ODAD2: variants seen among roughly 807,000 people sequenced by gnomAD.
The protein encoded by ODAD2 is outer dynein arm docking complex subunit 2.
A neutral mutation model predicts 106.8 loss-of-function variants in ODAD2; 89 were observed. The observed-to-expected ratio is 0.83, with a 90% CI of 0.70 to 0.99. The LOEUF is 0.99. ODAD2 is among the 50% of genes least tolerant of loss of function. ODAD2 has a pLI of 0.00. For missense variants in ODAD2, 1,168 were observed against 1,238.5 expected, an observed-to-expected ratio of 0.94 and a Z score of 0.85; for synonymous variants, 404 against 436.2, an observed-to-expected ratio of 0.93 and a Z score of 0.92.
Position 27,985,161 on chromosome 10 carries a change from T to C in ODAD2, c.433A>G (p.Lys145Glu), listed in dbSNP as rs770294804. The C allele has an allele frequency of 1.1e-5, 17 of 1,589,924 alleles. No homozygotes were observed. The Admixed American group carries it at 2.8e-4, about 26-fold the overall frequency. The stretch of plus-strand genomic sequence containing the variant: ...ATATTTAATGCAATTGAGTTTTCTT[T>C]CATTGTATTATAATCAGAGCCCAGG... ...KILGSDYNTM[K>E]ENSIALNILG... The change falls in exon 4 of 20, where the codon AAA (lysine) becomes GAA (glutamate). Residue 145 changes from lysine (K) to glutamate (E), a missense_variant. By Grantham distance (56) the Lys-to-Glu change is moderately conservative. This residue lies in a region of ODAD2 where 430 missense variants were observed against 452.2 expected (regional missense o/e 0.95). Coordinates refer to ENST00000305242, the MANE Select transcript of ODAD2 (RefSeq NM_018076.5).
chr10:27,994,506 G>C (rs544451877), intron 2 of ODAD2, among the ~76,000 whole-genome samples: 1 of 152,154 alleles, frequency 6.6e-6, no homozygotes, highest in African/African-American at 2.4e-5. Context: ...GAGGCAGGAG[G>C]ATCACTTGAG....
chr10:27,891,383 T>G (rs1842553325), intron 17 of ODAD2, among the ~76,000 whole-genome samples: 1 of 151,972 alleles, frequency 6.6e-6, no homozygotes, highest in African/African-American at 2.4e-5. Context: ...TTTTTGTTTT[T>G]TTTTTTTCCT....
rs115826944 is a variant in ODAD2 at position 27,824,641 on chromosome 10, C to T, written c.3022-12016G>A. Among the ~76,000 whole-genome samples the T allele has an allele frequency of 7.8e-3, 1,191 of 152,256 alleles. 20 individuals carry two copies. The highest frequency in any genetic ancestry group is 0.027 in the African/African-American group (1,131 of 41,534). On this transcript the variant is annotated intron_variant, in intron 19 of 19. Coordinates refer to ENST00000305242, the MANE Select transcript of ODAD2 (RefSeq NM_018076.5). Reference sequence around the variant, plus strand: ...AAGACATGAATTAAATTATCTAGAACGATCCATAGATCTCTTTATTTGAAA... The same window carrying T: ...AAGACATGAATTAAATTATCTAGAATGATCCATAGATCTCTTTATTTGAAA...
At chr10:27,998,778 C>T (rs1489169597) in intron 1 of ODAD2, among the ~76,000 whole-genome samples, 1 of 152,106 alleles carries the variant, frequency 6.6e-6, no homozygotes, top group African/African-American at 2.4e-5. Context: ...CGGGGGTGAG[C>T]GTGGAGACCC....
intron 17 of ODAD2, among the ~76,000 whole-genome samples, chr10:27,878,516 G>A (rs555278916): frequency 8.5e-5 from 13 of 152,070 alleles, no homozygotes; most frequent in African/African-American, 2.4e-4. Flanking sequence ...CAAGGCGAGC[G>A]TAACATGACT....
At chr10:27,959,670 G>A (rs546522283) in intron 10 of ODAD2, among the ~76,000 whole-genome samples, 56 of 152,146 alleles carry the variant, frequency 3.7e-4, no homozygotes, top group Non-Finnish European at 6.6e-4. Context: ...TCAGGAATAT[G>A]CAATCAAAAT....
intron 19 of ODAD2, among the ~76,000 whole-genome samples, chr10:27,844,034 C>A (rs1838516288): frequency 6.6e-6 from 1 of 151,882 alleles, no homozygotes; most frequent in Non-Finnish European, 1.5e-5. Context: ...CCCATCTCTA[C>A]AAACAATAAA....
At chr10:27,931,892 T>A (rs982109575) in intron 16 of ODAD2, among the ~76,000 whole-genome samples, 2 of 151,244 alleles carry the variant, frequency 1.3e-5, no homozygotes, top group Non-Finnish European at 2.9e-5. Flanking sequence ...CACAATGGGG[T>A]TATGTCCCGA....
intron 17 of ODAD2, among the ~76,000 whole-genome samples, chr10:27,904,776 T>A (rs1342362237): frequency 6.6e-6 from 1 of 152,230 alleles, no homozygotes; most frequent in Non-Finnish European, 1.5e-5. Context: ...ACCAACTCCA[T>A]GAAACAAAGC....
intron 16 of ODAD2, among the ~76,000 whole-genome samples, chr10:27,915,517 T>A (rs899310306): frequency 8.5e-5 from 13 of 152,102 alleles, no homozygotes; most frequent in African/African-American, 3.1e-4. Flanking sequence ...AAGTCTCAGC[T>A]CTAAATTTTC....
intron 9 of ODAD2, among the ~76,000 whole-genome samples, chr10:27,968,130 G>GA (rs1848600928): frequency 6.6e-6 from 1 of 151,600 alleles, no homozygotes; most frequent in Admixed American, 6.6e-5. Context: ...TGAAACAAAT[G>GA]AAAAAAATAG....
intron 19 of ODAD2, among the ~76,000 whole-genome samples, chr10:27,852,939 T>G (rs1330159302): frequency 1.8e-5 from 2 of 113,814 alleles, no homozygotes; most frequent in Admixed American, 2.4e-4. Context: ...CCAGCCTGGG[T>G]GACAGAACGA....
chr10:27,875,710 G>A (rs7918234), intron 17 of ODAD2, among the ~76,000 whole-genome samples: 2,685 of 152,228 alleles, frequency 0.018, 85 homozygotes, highest in African/African-American at 0.061. Context: ...AGGACAGTGG[G>A]TGCAGCCCAC....
chr10:27,860,838 AT>A lies in ODAD2; in HGVS notation c.2807del (p.Asn936IlefsTer3), dbSNP rs753602333. On this transcript the variant is annotated frameshift_variant, in exon 19 of 20. Coordinates refer to ENST00000305242, the MANE Select transcript of ODAD2 (RefSeq NM_018076.5). LOFTEE classifies it high-confidence loss of function. ...CTTCTGCTAGATGATGTCTCAATTT[AT>A]TGTTATTCTGTGCAAGGGAAAATGA... ...LLSKLANTNN[N>X]KLRHHLAEAI... 8.1e-6 allele frequency: 13 copies of A among 1,613,812 alleles called. No individual in the cohort carries two copies. The African/African-American group carries it at 1.5e-4, about 18-fold the overall frequency.
intron 17 of ODAD2, among the ~76,000 whole-genome samples, chr10:27,867,510 T>C (rs980533063): frequency 1.3e-5 from 2 of 151,900 alleles, no homozygotes; most frequent in African/African-American, 4.8e-5. Flanking sequence ...AAAGTTCAGA[T>C]AAAAAGGGAG....
intron 16 of ODAD2, among the ~76,000 whole-genome samples, chr10:27,930,635 A>AG (rs943539479): frequency 2.0e-5 from 3 of 151,904 alleles, no homozygotes; most frequent in Non-Finnish European, 2.9e-5. Context: ...TCAAAAAAAA[A>AG]AAAAAGAAAA....
In ODAD2 at chr10:27,895,548, C is replaced by A. The variant is rs1448566731; in HGVS notation, c.2610+12115G>T. Among the ~76,000 whole-genome samples, 4 of 152,306 alleles carry A rather than the reference C, an allele frequency of 2.6e-5. No homozygotes were observed. In the East Asian group the frequency reaches 7.7e-4, roughly 29 times the overall value. On this transcript the variant is annotated intron_variant, in intron 17 of 19. Transcript: ENST00000305242. ...CAGCTATTCACCCGCCTCGGCCTCCCAAAGTGCTGGGATTATAGACATGAG... is the reference window on the plus strand; with the variant it reads ...CAGCTATTCACCCGCCTCGGCCTCCAAAAGTGCTGGGATTATAGACATGAG...
intron 16 of ODAD2, among the ~76,000 whole-genome samples, chr10:27,918,739 GA>G (rs765679963): frequency 3.2e-4 from 49 of 151,684 alleles, no homozygotes; most frequent in Non-Finnish European, 5.0e-4. Context: ...ATTGTGGGGG[GA>G]AGTGAACTGT....
intron 3 of ODAD2, among the ~76,000 whole-genome samples, chr10:27,986,313 C>T (rs1052942903): frequency 6.6e-6 from 1 of 152,002 alleles, no homozygotes; most frequent in Non-Finnish European, 1.5e-5. Context: ...GCAACTTGGA[C>T]CTGAAACTAA....
Sources: allele counts gnomAD v4.1 joint callset (sites outside exome capture counted in the v4.1 genomes callset), GRCh38; gene constraint gnomAD v4.1.1; regional missense constraint gnomAD v4.1.1; transcripts MANE v1.5; gene names NCBI Gene and HGNC (gene_info 2026-07-23, HGNC 2026-07-21).